Variants in METAP2 observed in about 807,000 individuals in gnomAD.
METAP2 encodes methionine aminopeptidase 2.
In METAP2, 25 loss-of-function variants were observed where a neutral mutation model predicts 59.4. That is an observed-to-expected ratio of 0.42 (90% CI 0.31 to 0.59). The LOEUF (loss-of-function observed/expected upper bound fraction) is 0.59, where lower values mean the gene tolerates loss of function less well. Ranked by LOEUF, METAP2 falls within the 20% of genes least tolerant of loss-of-function variation. The probability of loss-of-function intolerance (pLI) is 0.16; values close to 1 mark genes in which losing one functional copy is unlikely to be tolerated. For synonymous variants in METAP2, 214 were observed against 194.1 expected, an observed-to-expected ratio of 1.10 and a Z score of -0.85; for missense variants, 366 against 581.2, an observed-to-expected ratio of 0.63 and a Z score of 3.81.
chr12:95,502,304 C>G (rs1338367810), intron 7 of METAP2, among the ~76,000 whole-genome samples: 1 of 152,144 alleles, frequency 6.6e-6, no homozygotes, highest in Non-Finnish European at 1.5e-5. Flanking sequence ...CCACGCCTAG[C>G]CTGATTTCTT....
intron 7 of METAP2, among the ~76,000 whole-genome samples, chr12:95,501,843 T>C (rs2076318473): frequency 6.6e-6 from 1 of 151,840 alleles, no homozygotes; most frequent in Non-Finnish European, 1.5e-5. Context: ...TTTATTGAGA[T>C]TTTAAAAAAA....
chr12:95,496,821 C>CTTTTTTTTTTTTT (rs777002045), intron 7 of METAP2, among the ~76,000 whole-genome samples: 4 of 100,934 alleles, frequency 4.0e-5, no homozygotes, highest in African/African-American at 7.9e-5. Flanking sequence ...CTTTTTCTTT[C>CTTTTTTTTTTTTT]TTTTTTTTTT....
intron 2 of METAP2, among the ~76,000 whole-genome samples, chr12:95,476,740 G>C (rs2076122761): frequency 6.6e-6 from 1 of 152,062 alleles, no homozygotes. Context: ...CTTGGTAGAA[G>C]GCAAAGTAGT....
intron 8 of METAP2, among the ~76,000 whole-genome samples, chr12:95,508,170 A>G (rs12821148): frequency 0.3 from 44,862 of 151,934 alleles, 7,302 homozygotes; most frequent in East Asian, 0.48. Flanking sequence ...TAAATTTACT[A>G]TGTTCCTTAG....
chr12:95,506,193 G>A (rs1298520109), intron 8 of METAP2, among the ~76,000 whole-genome samples: 3 of 151,944 alleles, frequency 2.0e-5, no homozygotes, highest in Non-Finnish European at 4.4e-5. Context: ...TCGGTGGAGT[G>A]CGCTCAGCTT....
At chr12:95,479,001 G>A (rs558244828) in intron 2 of METAP2, among the ~76,000 whole-genome samples, 1 of 152,208 alleles carries the variant, frequency 6.6e-6, no homozygotes, top group African/African-American at 2.4e-5. Context: ...GAGTCCAGGG[G>A]GCTTCAGTAT....
chr12:95,507,388 T>TTACC (rs2076369398), intron 8 of METAP2, among the ~76,000 whole-genome samples: 1 of 152,270 alleles, frequency 6.6e-6, no homozygotes, highest in Non-Finnish European at 1.5e-5. Flanking sequence ...AGGAAATTAC[T>TTACC]TACCTGATGA....
chr12:95,493,309 C>A (rs546047629), intron 4 of METAP2, among the ~76,000 whole-genome samples: 8 of 152,232 alleles, frequency 5.3e-5, no homozygotes, highest in African/African-American at 1.9e-4. Context: ...GACCCCATTT[C>A]TTTAAAGAAA....
intron 4 of METAP2, among the ~76,000 whole-genome samples, chr12:95,493,640 T>C (rs183404240): frequency 1.3e-5 from 2 of 152,366 alleles, no homozygotes; most frequent in African/African-American, 4.8e-5. Flanking sequence ...CTTGGGTTAG[T>C]AGTTACTCTG....
intron 4 of METAP2, among the ~76,000 whole-genome samples, chr12:95,488,418 A>C (rs748799335): frequency 1.3e-5 from 2 of 149,614 alleles, no homozygotes; most frequent in Non-Finnish European, 3.0e-5. Flanking sequence ...CTGAGGCAGG[A>C]GAATCGCTTG....
At chr12:95,511,481 T>G (rs1483235845) in intron 8 of METAP2, among the ~76,000 whole-genome samples, 2 of 146,284 alleles carry the variant, frequency 1.4e-5, no homozygotes, top group African/African-American at 5.0e-5. Context: ...AACCTCCGCT[T>G]CCCGGGTTCA....
At chr12:95,507,845 C>T (rs2076373237) in intron 8 of METAP2, among the ~76,000 whole-genome samples, 1 of 150,506 alleles carries the variant, frequency 6.6e-6, no homozygotes, top group Non-Finnish European at 1.5e-5. Context: ...GGTGCGCGAT[C>T]TCGGCTCATC....
intron 8 of METAP2, among the ~76,000 whole-genome samples, chr12:95,509,841 C>T (rs1594439018): frequency 6.7e-6 from 1 of 149,122 alleles, no homozygotes; most frequent in South Asian, 2.1e-4. Flanking sequence ...AGACCTCCCC[C>T]CCAACCTTTT....
intron 1 of METAP2, 65 bp downstream of exon 1, chr12:95,474,395 G>A: frequency 1.9e-6 from 3 of 1,553,060 alleles, no homozygotes; most frequent in Admixed American, 1.9e-5. Context: ...GCTCAGGCCC[G>A]TTGAGGGGGC....
chr12:95,477,594 T>C (rs561475115), intron 2 of METAP2, among the ~76,000 whole-genome samples: 2 of 152,198 alleles, frequency 1.3e-5, no homozygotes, highest in Non-Finnish European at 2.9e-5. Context: ...AACTTAACTT[T>C]TTTCCAGCCT....
rs762347154 is a variant in METAP2 at position 95,496,005 on chromosome 12, T to G, written c.774T>G (p.Gly258=). The G allele has an allele frequency of 3.2e-6, 5 of 1,556,772 alleles. No individual in the cohort carries two copies. The highest frequency in any genetic ancestry group is 3.5e-5 in the Admixed American group (2 of 57,262). The change falls in exon 7 of 11, where the codon GGT becomes GGG. Residue 258 remains glycine, a splice_region_variant and synonymous_variant. Transcript: ENST00000323666. ...CKIDFGTHIS[G]RIIDCAFTVT... ...TAAAAGAGGAATTTTCTCTTTCAGG[T>G]AGGATTATTGACTGTGCTTTTACTG...
Position 95,515,456 on chromosome 12 carries a change from G to A in METAP2, c.*1552G>A, listed in dbSNP as rs921718368. ...GGGCCCTCCAGCTAGCTCCTTTGGG[G>A]TTGAGTCCGTATCTTTTTGATGTGG... On this transcript the variant is annotated 3_prime_UTR_variant, in exon 11 of 11. Coordinates refer to ENST00000323666, the MANE Select transcript of METAP2 (RefSeq NM_006838.4). 2.0e-5 allele frequency: 3 copies of A among 152,324 alleles called. No individual in the cohort carries two copies. The highest frequency in any genetic ancestry group is 7.2e-5 in the African/African-American group (3 of 41,562). 9.4% of individuals were successfully genotyped at this position (152,324 alleles called of 1,614,324 possible). A position where few individuals can be genotyped will look rare whatever the true frequency, so the allele number is the denominator to read the frequency against.
intron 7 of METAP2, among the ~76,000 whole-genome samples, chr12:95,501,169 C>T (rs938917149): frequency 3.3e-5 from 5 of 151,770 alleles, no homozygotes; most frequent in Admixed American, 2.6e-4. Flanking sequence ...ACCACTACAC[C>T]CAGCTAATTT....
chr12:95,497,551 C>G (rs183366873), intron 7 of METAP2, among the ~76,000 whole-genome samples: 2 of 152,266 alleles, frequency 1.3e-5, no homozygotes, highest in Admixed American at 1.3e-4. Context: ...TGTATAGATA[C>G]CTCTTCAAGG....
Sources: gnomAD v4.1 joint callset for allele counts (sites outside exome capture counted in the v4.1 genomes callset) on GRCh38, gnomAD v4.1.1 for gene constraint, MANE v1.5 for transcripts, NCBI Gene and HGNC (gene_info 2026-07-23, HGNC 2026-07-21) for gene names.